The following ADGRV1 variants were observed in gnomAD, a reference collection of about 807,000 sequenced individuals.
The protein encoded by ADGRV1 is adhesion G protein-coupled receptor V1, also known as G-protein coupled receptor 98.
A neutral mutation model predicts 596.2 loss-of-function variants in ADGRV1; 359 were observed. The observed-to-expected ratio is 0.60, with a 90% CI of 0.55 to 0.66. The LOEUF (loss-of-function observed/expected upper bound fraction) is 0.66. Among genes scored for constraint, ADGRV1 ranks in the 30% least tolerant of loss-of-function variants. The probability of loss-of-function intolerance (pLI) is 0.00; values close to 1 mark genes in which losing one functional copy is unlikely to be tolerated. For synonymous variants in ADGRV1, 2,681 were observed against 2,679.2 expected (o/e 1.00, Z -0.02); for missense variants, 7,274 against 7,575.6 (o/e 0.96, Z 1.48).
chr5:90,897,250 A>C (rs1442930943), intron 83 of ADGRV1, among the ~76,000 whole-genome samples: 2 of 152,234 alleles, frequency 1.3e-5, no homozygotes, highest in Non-Finnish European at 2.9e-5. Flanking sequence ...TTTAGTTCAA[A>C]TAAAAATAAA....
Position 90,629,210 on chromosome 5 carries a change from C to A in ADGRV1, c.1510C>A (p.Leu504Ile). ...GGAEVSEPAE[L>I]LFYIQDSDDV... ...TTAATATTTTATTCCTTTACTTCAG[C>A]TTTTGTTCTACATTCAGGATAGTGA... is the stretch of plus-strand genomic sequence containing the variant. The change falls in exon 9 of 90, where the codon CTT becomes ATT. Residue 504 changes from leucine to isoleucine, a missense_variant and splice_region_variant. By Grantham distance (5) the Leu-to-Ile change is conservative. This residue lies in a region of ADGRV1 where 1,715 missense variants were observed against 1,708.8 expected (regional missense o/e 1.00). Coordinates refer to ENST00000405460, the MANE Select transcript of ADGRV1 (RefSeq NM_032119.4). 6.6e-7 allele frequency: 1 copy of A among 1,516,488 alleles called. No individual in the cohort carries two copies. Among genetic ancestry groups the A allele is most frequent in the South Asian group, 1.4e-5 (1 of 71,616 alleles). 93.9% of individuals were successfully genotyped at this position (1,516,488 alleles called of 1,614,324 possible). A position where few individuals can be genotyped will look rare whatever the true frequency, so the allele number is the denominator to read the frequency against.
chr5:90,902,707 A>G (rs557915236), intron 83 of ADGRV1, among the ~76,000 whole-genome samples: 237 of 152,242 alleles, frequency 1.6e-3, no homozygotes, highest in Non-Finnish European at 2.8e-3. Flanking sequence ...AAGAACTTTA[A>G]TCACATTTTC....
intron 83 of ADGRV1, among the ~76,000 whole-genome samples, chr5:90,921,571 T>G (rs1161682846): frequency 6.6e-6 from 1 of 152,202 alleles, no homozygotes; most frequent in Admixed American, 6.5e-5. Flanking sequence ...CAATTTCTTT[T>G]GCTTTTTCTT....
At chr5:91,163,274 A>G (rs10077486) in intron 89 of ADGRV1, among the ~76,000 whole-genome samples, 131,998 of 152,220 alleles carry the variant, frequency 0.87, 57,818 homozygotes, top group Non-Finnish European at 0.93. Flanking sequence ...GAATCATTCA[A>G]AGCCAATGTC....
chr5:91,141,764 C>G (rs116548818), intron 87 of ADGRV1, among the ~76,000 whole-genome samples: 2,584 of 152,212 alleles, frequency 0.017, 25 homozygotes, highest in Middle Eastern at 0.034. Context: ...GGTCAGCAGC[C>G]CAAGAGCTGT....
chr5:90,779,070 C>G lies in ADGRV1; in HGVS notation c.13055C>G (p.Thr4352Arg). The G allele has an allele frequency of 6.2e-7, 1 of 1,610,896 alleles. No homozygotes were observed. Among genetic ancestry groups the G allele is most frequent in the Non-Finnish European group, 8.5e-7 (1 of 1,177,582 alleles). The change falls in exon 64 of 90, where the codon ACA becomes AGA. Residue 4352 changes from threonine (T) to arginine (R), a missense_variant. Thr to Arg is a moderately conservative substitution (Grantham distance 71, BLOSUM62 -1). This residue lies in a region of ADGRV1 where 3,643 missense variants were observed against 3,809.2 expected (regional missense o/e 0.96). Transcript: ENST00000405460. ...YPEGPEEFSL[T>R]ITKVELQGRG... is the part of the protein sequence containing the mutation. ...GAAGGCCCAGAGGAATTTTCTCTAA[C>G]AATTACAAAGGTGGAACTCCAGGGA... is the stretch of plus-strand genomic sequence containing the variant.
intron 85 of ADGRV1, among the ~76,000 whole-genome samples, chr5:91,048,737 A>G (rs1378465996): frequency 6.6e-6 from 1 of 152,168 alleles, no homozygotes; most frequent in Non-Finnish European, 1.5e-5. Flanking sequence ...AGTTGCTCTG[A>G]TGCTTTCTGT....
chr5:90,687,529 G>C (rs1371054963), intron 29 of ADGRV1, among the ~76,000 whole-genome samples: 1 of 152,162 alleles, frequency 6.6e-6, no homozygotes, highest in African/African-American at 2.4e-5. Flanking sequence ...ATTCAACATA[G>C]TGTTGGAAGT....
chr5:91,080,588 CAAAAAAA>C (rs10696264), intron 86 of ADGRV1, among the ~76,000 whole-genome samples: 43 of 84,464 alleles, frequency 5.1e-4, no homozygotes, highest in Non-Finnish European at 7.5e-4. Flanking sequence ...GCACACCCTG[CAAAAAAA>C]AAAAAAAAAA....
chr5:90,605,246 C>A (rs1319719667), intron 1 of ADGRV1, among the ~76,000 whole-genome samples: 1 of 152,040 alleles, frequency 6.6e-6, no homozygotes, highest in African/African-American at 2.4e-5. Flanking sequence ...GAAACCTCGT[C>A]TCTAATAAAA....
intron 21 of ADGRV1, among the ~76,000 whole-genome samples, chr5:90,667,804 CTGTT>C (rs1259731140): frequency 9.2e-5 from 14 of 152,182 alleles, no homozygotes; most frequent in African/African-American, 3.4e-4. Flanking sequence ...GATGTCCTTT[CTGTT>C]TGTTAGTTTT....
At chr5:90,921,484 T>A (rs1029582160) in intron 83 of ADGRV1, among the ~76,000 whole-genome samples, 2 of 152,196 alleles carry the variant, frequency 1.3e-5, no homozygotes, top group African/African-American at 4.8e-5. Flanking sequence ...CTACTGAATA[T>A]CTCCAACAGG....
rs1435646265 is a variant in ADGRV1 at position 90,654,199 on chromosome 5, A to G, written c.4378+247A>G. On this transcript the variant is annotated intron_variant, in intron 20 of 89. Coordinates refer to ENST00000405460, the MANE Select transcript of ADGRV1 (RefSeq NM_032119.4). ...ATAAACCCTAGCAGAGAGATGTGTG[A>G]TATATCACAATGACACCCTGTAGGA... 9 of 499,974 alleles carry G rather than the reference A, an allele frequency of 1.8e-5. No individual in the cohort carries two copies. In the Admixed American group the frequency reaches 2.3e-4, roughly 13 times the overall value. The allele number at this position is 499,974 out of a possible 1,614,324, so 31.0% of individuals were successfully genotyped here. A position where few individuals can be genotyped will look rare whatever the true frequency, so the allele number is the denominator to read the frequency against.
At chr5:91,008,288 C>T (rs1186519803) in intron 85 of ADGRV1, among the ~76,000 whole-genome samples, 3 of 152,024 alleles carry the variant, frequency 2.0e-5, no homozygotes, top group African/African-American at 7.2e-5. Context: ...TAAATTCTCC[C>T]AACGTGGTAG....
intron 87 of ADGRV1, among the ~76,000 whole-genome samples, chr5:91,147,041 C>T (rs1795597171): frequency 6.6e-6 from 1 of 152,028 alleles, no homozygotes; most frequent in African/African-American, 2.4e-5. Context: ...GTGAAACACG[C>T]CTGTGGTACC....
chr5:90,676,710 T>C (rs549638983), intron 25 of ADGRV1: 2 of 153,622 alleles, frequency 1.3e-5, no homozygotes, highest in South Asian at 4.1e-4. Context: ...TTTTCATTCA[T>C]GGTAGGTTCC....
intron 83 of ADGRV1, among the ~76,000 whole-genome samples, chr5:90,913,279 G>A (rs1250287538): frequency 2.0e-5 from 3 of 152,138 alleles, no homozygotes; most frequent in African/African-American, 7.2e-5. Flanking sequence ...TCCCATAGCA[G>A]CAATTACACT....
chr5:90,672,972 T>C lies in ADGRV1; in HGVS notation c.4929+250T>C, dbSNP rs1031839218. On this transcript the variant is annotated intron_variant, in intron 22 of 89. Coordinates refer to ENST00000405460, the MANE Select transcript of ADGRV1 (RefSeq NM_032119.4). Reference sequence around the variant, plus strand: ...CATTTTTGCGTTGGATTTTAAGTGATTTCCTATGGATCTGTCTCCTATGAT... The same window carrying C: ...CATTTTTGCGTTGGATTTTAAGTGACTTCCTATGGATCTGTCTCCTATGAT... 1.2e-5 allele frequency: 5 copies of C among 402,196 alleles called. No individual in the cohort carries two copies. In the South Asian group the frequency reaches 2.8e-4, roughly 23 times the overall value. 24.9% of individuals were successfully genotyped at this position (402,196 alleles called of 1,614,324 possible).
intron 83 of ADGRV1, among the ~76,000 whole-genome samples, chr5:90,933,151 G>T (rs188777912): frequency 2.0e-5 from 3 of 152,270 alleles, no homozygotes; most frequent in Admixed American, 2.0e-4. Context: ...TCTGCTCTGT[G>T]TCGGGCCTTG....
Sources: gnomAD v4.1 joint callset for allele counts (sites outside exome capture counted in the v4.1 genomes callset) on GRCh38, gnomAD v4.1.1 for gene constraint, gnomAD v4.1.1 regional missense constraint, MANE v1.5 for transcripts, NCBI Gene and HGNC (gene_info 2026-07-23, HGNC 2026-07-21) for gene names.